The following TCF20 variants were observed in gnomAD, a reference collection of about 807,000 sequenced individuals.
TCF20 encodes the protein SPRE-binding protein.
A neutral mutation model predicts 148.6 loss-of-function variants in TCF20; 3 were observed. The ratio of observed to expected loss-of-function variants is 0.02; its 90% CI spans 0.01 to 0.05. The LOEUF (loss-of-function observed/expected upper bound fraction) is 0.05. Ranked by LOEUF, TCF20 falls within the 10% of genes least tolerant of loss-of-function variation. The probability of loss-of-function intolerance (pLI) is 1.00; values close to 1 mark genes in which losing one functional copy is unlikely to be tolerated. For missense variants in TCF20, 2,350 were observed against 2,429.3 expected (o/e 0.97, Z 0.69); for synonymous variants, 1,049 against 909.5 (o/e 1.15, Z -2.76).
Position 42,246,532 on chromosome 22 carries a change from C to T in TCF20, c.-37+23807G>A, listed in dbSNP as rs117299616. On this transcript the variant is annotated intron_variant, in intron 1 of 5. Coordinates refer to ENST00000677622, the MANE Select transcript of TCF20 (RefSeq NM_001378418.1). The stretch of plus-strand genomic sequence containing the variant: ...ACCAAAACTAAATACCATTGTTTGC[C>T]TTTTTCTCGTACGTGTTTTTCTCTA... 4.9e-3 allele frequency among the ~76,000 whole-genome samples: 748 copies of T among 152,302 alleles called. 3 individuals are homozygous for T. The highest frequency in any genetic ancestry group is 8.5e-3 in the Non-Finnish European group (580 of 68,026).
At chr22:42,273,626 A>G (rs1024292002), upstream of TCF20, among the ~76,000 whole-genome samples, 3 of 148,346 alleles carry the variant, frequency 2.0e-5, no homozygotes, top group Non-Finnish European at 3.0e-5. Flanking sequence ...CTCTTTAAGG[A>G]AAGAACAGTA....
rs59283483 is a variant in TCF20, at chr22:42,221,739, GTT to G, written c.-36-6400_-36-6399del. On this transcript the variant is annotated intron_variant, in intron 1 of 5. Coordinates refer to ENST00000677622, the MANE Select transcript of TCF20 (RefSeq NM_001378418.1). ...GGGCTTATTAACCATATGGCAAAGG[GTT>G]TTTTTTTTTTTTTTTGAGACGGAGT... is the stretch of plus-strand genomic sequence containing the variant. Among the ~76,000 whole-genome samples, 22 of 92,812 alleles carry G rather than the reference GTT, an allele frequency of 2.4e-4. 2 individuals are homozygous for G. Among genetic ancestry groups the G allele is most frequent in the Admixed American group, 1.4e-3 (11 of 7,618 alleles). 60.9% of individuals were successfully genotyped at this position (92,812 alleles called of 152,430 possible).
intron 1 of TCF20, among the ~76,000 whole-genome samples, chr22:42,322,771 T>C (rs1182981162): frequency 2.1e-5 from 3 of 143,940 alleles, no homozygotes; most frequent in African/African-American, 5.8e-5. Flanking sequence ...TCTGAGTGAA[T>C]GAATGAGTGC....
At position 42,270,484 on chromosome 22, in the gene TCF20, G is replaced by A. The variant is rs1237470393; in HGVS notation, c.-182C>T. On this transcript the variant is annotated 5_prime_UTR_variant, in exon 1 of 6. Transcript: ENST00000677622. ...CGGGCGCCCGGGCCGGCGGCGGGGC[G>A]GGCCGGGGCCGCGGCCCCTCGAGGC... Among the ~76,000 whole-genome samples the A allele has an allele frequency of 2.8e-5, 4 of 144,912 alleles. No individual in the cohort carries two copies. The highest frequency in any genetic ancestry group is 6.1e-5 in the Non-Finnish European group (4 of 65,158).
chr22:42,280,409 C>T (rs1324484927), intron 1 of TCF20, among the ~76,000 whole-genome samples: 3 of 152,218 alleles, frequency 2.0e-5, no homozygotes, highest in East Asian at 1.9e-4. Flanking sequence ...CCTCACACTC[C>T]AGCCATCCAC....
At chr22:42,254,205 G>T (rs908724172) in intron 1 of TCF20, among the ~76,000 whole-genome samples, 5 of 151,758 alleles carry the variant, frequency 3.3e-5, no homozygotes, top group Non-Finnish European at 7.4e-5. Context: ...ATCAAGCACT[G>T]TTCTAGATGC....
At chr22:42,303,925 A>C (rs1170923142) in intron 1 of TCF20, among the ~76,000 whole-genome samples, 1 of 151,414 alleles carries the variant, frequency 6.6e-6, no homozygotes, top group Admixed American at 6.6e-5. Context: ...GAATGGAGAA[A>C]GGGGAAGGGG....
chr22:42,171,647 G>A (rs1391855746), intron 3 of TCF20, among the ~76,000 whole-genome samples: 1 of 152,184 alleles, frequency 6.6e-6, no homozygotes, highest in Non-Finnish European at 1.5e-5. Context: ...AAACCCACAA[G>A]TACATAGTGT....
At chr22:42,236,023 GTC>G (rs1032770230) in intron 1 of TCF20, among the ~76,000 whole-genome samples, 21 of 152,132 alleles carry the variant, frequency 1.4e-4, no homozygotes, top group African/African-American at 4.8e-4. Context: ...GTGAAACCCT[GTC>G]TCTACCAAAA....
At chr22:42,178,899 G>A (rs1409754104) in intron 3 of TCF20, among the ~76,000 whole-genome samples, 1 of 152,024 alleles carries the variant, frequency 6.6e-6, no homozygotes, top group African/African-American at 2.4e-5. Flanking sequence ...GGCAAAGGAT[G>A]TGAATAGCTA....
In TCF20 at chr22:42,160,321, G is replaced by T. The variant is rs1935347448; in HGVS notation, c.*1082C>A. On this transcript the variant is annotated 3_prime_UTR_variant, in exon 6 of 6. Coordinates refer to ENST00000677622, the MANE Select transcript of TCF20 (RefSeq NM_001378418.1). Reference sequence around the variant, plus strand: ...ATAAAAATGAAAGCAAAAAGAAAAAGGGGTTAAATGGGTGTTCCTGGTCAG... The same window carrying T: ...ATAAAAATGAAAGCAAAAAGAAAAATGGGTTAAATGGGTGTTCCTGGTCAG... 1 of 152,600 alleles carries T rather than the reference G, an allele frequency of 6.6e-6. No individual in the cohort carries two copies. The highest frequency in any genetic ancestry group is 2.4e-5 in the African/African-American group (1 of 41,430). 9.5% of individuals were successfully genotyped at this position (152,600 alleles called of 1,614,324 possible).
chr22:42,288,429 G>C (rs547059481), upstream of TCF20, among the ~76,000 whole-genome samples: 1 of 151,746 alleles, frequency 6.6e-6, no homozygotes, highest in African/African-American at 2.4e-5. Context: ...CCAGCTACTC[G>C]GGAGGCTGAA....
At chr22:42,191,669 A>G (rs1038891726) in intron 2 of TCF20, among the ~76,000 whole-genome samples, 35 of 152,354 alleles carry the variant, frequency 2.3e-4, no homozygotes, top group Admixed American at 2.0e-3. Context: ...CCCCAAAAGA[A>G]AATTGCCACT....
At chr22:42,304,161 T>G (rs530932752) in intron 1 of TCF20, among the ~76,000 whole-genome samples, 1 of 152,018 alleles carries the variant, frequency 6.6e-6, no homozygotes, top group East Asian at 1.9e-4. Context: ...CACTGGGAGA[T>G]CCCCATCTGG....
chr22:42,205,461 T>C lies in TCF20; in HGVS notation c.5655+4190A>G, dbSNP rs1282527035. Among the ~76,000 whole-genome samples, 5 of 152,330 alleles carry C rather than the reference T, an allele frequency of 3.3e-5. 1 individual carries two copies. The highest frequency in any genetic ancestry group is 2.4e-5 in the African/African-American group (1 of 41,580). ...CTTGTCAAAACACCTGATAAATACA[T>C]AGGCCAAAATGGATCTCTAATGAAA... On this transcript the variant is annotated intron_variant, in intron 2 of 5. Coordinates refer to ENST00000677622, the MANE Select transcript of TCF20 (RefSeq NM_001378418.1).
At chr22:42,198,430 G>A (rs1052306228) in intron 2 of TCF20, among the ~76,000 whole-genome samples, 3 of 152,172 alleles carry the variant, frequency 2.0e-5, no homozygotes, top group African/African-American at 4.8e-5. Flanking sequence ...ACTGGTTCCA[G>A]GACCTCTGCC....
intron 1 of TCF20, among the ~76,000 whole-genome samples, chr22:42,329,735 C>T (rs73886044): frequency 0.025 from 3,758 of 152,228 alleles, 172 homozygotes; most frequent in African/African-American, 0.088. Flanking sequence ...CAGGGCTGGC[C>T]GTGGGGGAGG....
rs969447914 is a variant in TCF20, at chr22:42,338,361, C to G, written c.-37+5118G>C. ...CCATCACCCCTGGCAGGCAGCAGAT[C>G]TGCATTTTCACGGAGGCCTCAGGGG... is the stretch of plus-strand genomic sequence containing the variant. On this transcript the variant is annotated intron_variant, in intron 1 of 1. Transcript: ENST00000515426. The surrounding 1 kb of genome is among the most constrained non-coding windows in gnomAD (Gnocchi z 4.0). Among the ~76,000 whole-genome samples, 1 of 152,220 alleles carries G rather than the reference C, an allele frequency of 6.6e-6. No individual in the cohort carries two copies. Among genetic ancestry groups the G allele is most frequent in the Non-Finnish European group, 1.5e-5 (1 of 68,044 alleles).
chr22:42,304,599 G>A (rs1390436261), intron 1 of TCF20, among the ~76,000 whole-genome samples: 1 of 152,228 alleles, frequency 6.6e-6, no homozygotes, highest in Non-Finnish European at 1.5e-5. Context: ...GTCTACGTCT[G>A]TTGTGCCAGG....
Sources: allele counts gnomAD v4.1 joint callset (sites outside exome capture counted in the v4.1 genomes callset), GRCh38; gene constraint gnomAD v4.1.1; non-coding constraint Gnocchi (gnomAD v3.1); transcripts MANE v1.5; gene names NCBI Gene and HGNC (gene_info 2026-07-23, HGNC 2026-07-21).